The following AGBL4 variants were observed in gnomAD, a reference collection of about 807,000 sequenced individuals.
The protein encoded by AGBL4 is cytosolic carboxypeptidase 6.
In AGBL4, 58 loss-of-function variants were observed where a neutral mutation model predicts 66.4. The observed-to-expected ratio is 0.87, with a 90% CI of 0.71 to 1.09. The LOEUF is 1.09. Among genes scored for constraint, AGBL4 ranks in the 50% least tolerant of loss-of-function variants. The probability of loss-of-function intolerance (pLI) is 0.00; values close to 1 mark genes in which losing one functional copy is unlikely to be tolerated. For synonymous variants in AGBL4, 234 were observed against 222.9 expected (o/e 1.05, Z -0.44); for missense variants, 579 against 631.0 (o/e 0.92, Z 0.88).
Position 48,952,240 on chromosome 1 carries a change from T to C in AGBL4, c.595-85010A>G, listed in dbSNP as rs554806864. Among the ~76,000 whole-genome samples, 7 of 152,356 alleles carry C rather than the reference T, an allele frequency of 4.6e-5. No homozygotes were observed. The South Asian group carries it at 1.2e-3, about 27-fold the overall frequency. On this transcript the variant is annotated intron_variant, in intron 5 of 13. Coordinates refer to ENST00000371839, the MANE Select transcript of AGBL4 (RefSeq NM_032785.4). The stretch of plus-strand genomic sequence containing the variant: ...CACTTATTTGTTTAACACATATTAA[T>C]TGAGCTTTTACCAACTGCTAGGCAC...
At chr1:49,697,681 C>A (rs1647013593) in intron 2 of AGBL4, among the ~76,000 whole-genome samples, 1 of 152,160 alleles carries the variant, frequency 6.6e-6, no homozygotes, top group African/African-American at 2.4e-5. Context: ...TCCTTTTATG[C>A]TACAAGTATC....
chr1:49,351,790 T>A (rs930103213), intron 3 of AGBL4, among the ~76,000 whole-genome samples: 3 of 152,212 alleles, frequency 2.0e-5, no homozygotes, highest in Non-Finnish European at 2.9e-5. Context: ...CTTGTGACTA[T>A]GTGATTCTGG....
intron 3 of AGBL4, among the ~76,000 whole-genome samples, chr1:49,258,963 A>C (rs1198412354): frequency 6.6e-6 from 1 of 152,242 alleles, no homozygotes; most frequent in Non-Finnish European, 1.5e-5. Flanking sequence ...ATCTCTCAGC[A>C]GAAACTCTAC....
chr1:48,974,137 T>A (rs1203652333), intron 5 of AGBL4, among the ~76,000 whole-genome samples: 1 of 152,032 alleles, frequency 6.6e-6, no homozygotes, highest in East Asian at 1.9e-4. Context: ...GGGTATGACC[T>A]TGAGTGAAGG....
At chr1:48,950,899 A>G (rs979256863) in intron 5 of AGBL4, among the ~76,000 whole-genome samples, 1 of 152,064 alleles carries the variant, frequency 6.6e-6, no homozygotes, top group Non-Finnish European at 1.5e-5. Flanking sequence ...CATTATTTTC[A>G]GTTCCTCTAA....
At position 49,006,334 on chromosome 1, in the gene AGBL4, C is replaced by A. The variant is rs575397690; in HGVS notation, c.594+39250G>T. 4.6e-5 allele frequency among the ~76,000 whole-genome samples: 7 copies of A among 152,162 alleles called. No individual in the cohort carries two copies. The East Asian group carries it at 1.4e-3, about 29-fold the overall frequency. On this transcript the variant is annotated intron_variant, in intron 5 of 13. Coordinates refer to ENST00000371839, the MANE Select transcript of AGBL4 (RefSeq NM_032785.4). ...CTTTTCCAACGGGCTTAAAAAACGGCGCACCACGAGATTATATCCCACACC... is the reference window on the plus strand; with the variant it reads ...CTTTTCCAACGGGCTTAAAAAACGGAGCACCACGAGATTATATCCCACACC...
At chr1:48,683,294 C>T (rs1030565701) in intron 6 of AGBL4, among the ~76,000 whole-genome samples, 3 of 152,188 alleles carry the variant, frequency 2.0e-5, no homozygotes, top group Non-Finnish European at 4.4e-5. Flanking sequence ...ACTCCAGCTC[C>T]GGAGAGAAAC....
intron 2 of AGBL4, among the ~76,000 whole-genome samples, chr1:49,791,684 G>A (rs1644602366): frequency 6.6e-6 from 1 of 151,952 alleles, no homozygotes; most frequent in African/African-American, 2.4e-5. Flanking sequence ...CTCCATCCCT[G>A]CCTTCTCACA....
chr1:48,812,100 T>C (rs1646065029), intron 6 of AGBL4, among the ~76,000 whole-genome samples: 1 of 152,160 alleles, frequency 6.6e-6, no homozygotes, highest in African/African-American at 2.4e-5. Flanking sequence ...AGTGTGGGTC[T>C]GTTGTGTGGC....
intron 5 of AGBL4, among the ~76,000 whole-genome samples, chr1:48,954,677 T>C (rs1342248274): frequency 6.6e-6 from 1 of 152,232 alleles, no homozygotes; most frequent in East Asian, 1.9e-4. Context: ...TAAACTTCTA[T>C]GAGTATGATG....
At chr1:49,373,634 A>G (rs1056726177) in intron 3 of AGBL4, among the ~76,000 whole-genome samples, 1 of 152,180 alleles carries the variant, frequency 6.6e-6, no homozygotes, top group African/African-American at 2.4e-5. Context: ...ACATATTACT[A>G]TCCTCATTTT....
In AGBL4 at chr1:49,065,680, C is replaced by A. The variant is rs116713898; in HGVS notation, c.378-19880G>T. ...CATTGCTTCTGCATCCTCTGTCTTGCCTAAAATGGCACCAAAGAAAGTTGA... is the reference window on the plus strand; with the variant it reads ...CATTGCTTCTGCATCCTCTGTCTTGACTAAAATGGCACCAAAGAAAGTTGA... On this transcript the variant is annotated intron_variant, in intron 4 of 13. Transcript: ENST00000371839. Among the ~76,000 whole-genome samples, 403 of 152,302 alleles carry A rather than the reference C, an allele frequency of 2.6e-3. 4 individuals are homozygous for A. The highest frequency in any genetic ancestry group is 9.4e-3 in the African/African-American group (392 of 41,558).
chr1:49,371,289 A>G (rs1297197972), intron 3 of AGBL4, among the ~76,000 whole-genome samples: 1 of 150,240 alleles, frequency 6.7e-6, no homozygotes, highest in East Asian at 1.9e-4. Context: ...ACATACATAC[A>G]CACACACACA....
At chr1:48,644,775 C>G (rs1645809009) in intron 8 of AGBL4, among the ~76,000 whole-genome samples, 1 of 152,174 alleles carries the variant, frequency 6.6e-6, no homozygotes, top group Non-Finnish European at 1.5e-5. Flanking sequence ...GAATACCAGG[C>G]TAAAGAGCTT....
chr1:48,821,186 G>T (rs1338776849), intron 6 of AGBL4, among the ~76,000 whole-genome samples: 1 of 152,128 alleles, frequency 6.6e-6, no homozygotes, highest in African/African-American at 2.4e-5. Flanking sequence ...ACAGTATGGG[G>T]ATTTCTCAAA....
At chr1:49,970,457 T>C (rs1048450815) in intron 1 of AGBL4, among the ~76,000 whole-genome samples, 5 of 152,132 alleles carry the variant, frequency 3.3e-5, no homozygotes, top group African/African-American at 1.2e-4. Flanking sequence ...ATAACCATTT[T>C]GCCAAAGAAG....
chr1:49,920,212 T>A (rs1409026444), intron 1 of AGBL4, among the ~76,000 whole-genome samples: 1 of 152,118 alleles, frequency 6.6e-6, no homozygotes, highest in African/African-American at 2.4e-5. Flanking sequence ...CCAAAAGCAA[T>A]GGCAACAAAA....
chr1:49,485,521 T>G (rs1647047987), intron 3 of AGBL4, among the ~76,000 whole-genome samples: 1 of 150,870 alleles, frequency 6.6e-6, no homozygotes, highest in African/African-American at 2.4e-5. Flanking sequence ...GATGAGTTAA[T>G]GGGTGCAGCA....
At chr1:49,938,993 C>T (rs1464562183) in intron 1 of AGBL4, among the ~76,000 whole-genome samples, 1 of 152,018 alleles carries the variant, frequency 6.6e-6, no homozygotes, top group Non-Finnish European at 1.5e-5. Flanking sequence ...TGATAAGCAA[C>T]TTCAGCAAAG....
Sources: gnomAD v4.1 joint callset for allele counts (sites outside exome capture counted in the v4.1 genomes callset) on GRCh38, gnomAD v4.1.1 for gene constraint, MANE v1.5 for transcripts, NCBI Gene and HGNC (gene_info 2026-07-23, HGNC 2026-07-21) for gene names.